Variants in MED27 observed in about 807,000 individuals in gnomAD.
MED27 encodes the protein mediator of RNA polymerase II transcription subunit 27.
Under a neutral mutation model 38.2 loss-of-function variants are expected in MED27, and 30 were observed. That is an observed-to-expected ratio of 0.79 (90% CI 0.59 to 1.07). The LOEUF is 1.07. Among genes scored for constraint, MED27 ranks in the 50% least tolerant of loss-of-function variants. The pLI is 0.00. For synonymous variants in MED27, 122 were observed against 153.5 expected (o/e 0.79, Z 1.52); for missense variants, 289 against 397.5 (o/e 0.73, Z 2.32).
chr9:132,002,797 C>T (rs1832267842), intron 3 of MED27, among the ~76,000 whole-genome samples: 1 of 151,718 alleles, frequency 6.6e-6, no homozygotes. Flanking sequence ...CGCCTGTAAT[C>T]CCAGCTACTC....
At chr9:132,028,254 G>A (rs900529769) in intron 2 of MED27, among the ~76,000 whole-genome samples, 1 of 152,134 alleles carries the variant, frequency 6.6e-6, no homozygotes, top group Admixed American at 6.6e-5. Context: ...TTTTCTGGCC[G>A]CCTAAAGGAG....
chr9:132,023,169 A>T (rs1832752574), intron 2 of MED27, among the ~76,000 whole-genome samples: 1 of 152,200 alleles, frequency 6.6e-6, no homozygotes, highest in African/African-American at 2.4e-5. Context: ...AAATATTCCC[A>T]TATAAGAAAT....
chr9:132,006,666 C>A (rs1776895664), intron 3 of MED27, among the ~76,000 whole-genome samples: 1 of 151,726 alleles, frequency 6.6e-6, no homozygotes, highest in South Asian at 2.1e-4. Flanking sequence ...AAAACAACAA[C>A]CTTAAAAAAG....
At chr9:131,941,817 ATTTTTTTTTTTT>A (rs766438800) in intron 3 of MED27, among the ~76,000 whole-genome samples, 2 of 82,514 alleles carry the variant, frequency 2.4e-5, no homozygotes, top group East Asian at 4.5e-4. Flanking sequence ...ATTCTGCTGA[ATTTTTTTTTTTT>A]TTTTTTTTTT....
chr9:131,954,349 C>T (rs1831053406), intron 3 of MED27, among the ~76,000 whole-genome samples: 1 of 152,172 alleles, frequency 6.6e-6, no homozygotes, highest in East Asian at 1.9e-4. Flanking sequence ...CATGCACGCT[C>T]AGTGGCTCCA....
intron 3 of MED27, among the ~76,000 whole-genome samples, chr9:131,980,291 GC>G (rs1451251913): frequency 6.6e-6 from 1 of 152,088 alleles, no homozygotes; most frequent in Non-Finnish European, 1.5e-5. Context: ...AAATAAACCA[GC>G]CACCAAGTTC....
intron 2 of MED27, among the ~76,000 whole-genome samples, chr9:132,064,018 T>C (rs1833753964): frequency 6.6e-6 from 1 of 152,236 alleles, no homozygotes; most frequent in African/African-American, 2.4e-5. Flanking sequence ...CATCATTTTC[T>C]CCTCACTAAG....
chr9:131,882,747 C>T (rs1477500390), intron 6 of MED27, among the ~76,000 whole-genome samples: 4 of 152,220 alleles, frequency 2.6e-5, no homozygotes. Context: ...ACAAAGGCTT[C>T]CTCTGACTAG....
At chr9:131,957,856 A>G (rs919319517) in intron 3 of MED27, among the ~76,000 whole-genome samples, 3 of 150,226 alleles carry the variant, frequency 2.0e-5, no homozygotes, top group Non-Finnish European at 4.4e-5. Flanking sequence ...AGGTGGGAGG[A>G]TTGCTTGAGC....
chr9:132,055,611 T>C (rs1589293065), intron 2 of MED27, among the ~76,000 whole-genome samples: 1 of 152,182 alleles, frequency 6.6e-6, no homozygotes, highest in East Asian at 1.9e-4. Context: ...TAAGATGCCT[T>C]ATACTCACTC....
chr9:131,943,233 C>T (rs1320025440), intron 3 of MED27, among the ~76,000 whole-genome samples: 2 of 152,094 alleles, frequency 1.3e-5, no homozygotes, highest in Non-Finnish European at 2.9e-5. Flanking sequence ...TCTAAATTCT[C>T]GAGGCAAAAA....
At chr9:131,905,811 G>A (rs1350049274) in intron 4 of MED27, among the ~76,000 whole-genome samples, 2 of 150,004 alleles carry the variant, frequency 1.3e-5, no homozygotes, top group African/African-American at 2.5e-5. Flanking sequence ...AAAGAACCCA[G>A]AGCTGCCTTG....
At chr9:132,059,498 C>G (rs1036740110) in intron 2 of MED27, among the ~76,000 whole-genome samples, 7 of 152,390 alleles carry the variant, frequency 4.6e-5, no homozygotes, top group Admixed American at 1.3e-4. Context: ...GGCTGCGCCT[C>G]ACAGCCACCA....
chr9:132,069,785 C>T (rs754657835), intron 2 of MED27, among the ~76,000 whole-genome samples: 3 of 152,284 alleles, frequency 2.0e-5, no homozygotes, highest in Non-Finnish European at 2.9e-5. Flanking sequence ...TTCATCCTAC[C>T]GATGAGGAAG....
chr9:131,949,032 C>T (rs978271942), intron 3 of MED27, among the ~76,000 whole-genome samples: 2 of 152,182 alleles, frequency 1.3e-5, no homozygotes, highest in African/African-American at 4.8e-5. Context: ...GGTGTCAAGT[C>T]GCCCTTTGAG....
intron 2 of MED27, among the ~76,000 whole-genome samples, chr9:132,057,207 C>A (rs1833598603): frequency 1.3e-5 from 2 of 152,202 alleles, no homozygotes; most frequent in African/African-American, 4.8e-5. Context: ...CCGCGGTAAT[C>A]CTCTGCCAAT....
intron 2 of MED27, among the ~76,000 whole-genome samples, chr9:132,056,075 A>C (rs1329337922): frequency 6.6e-6 from 1 of 152,242 alleles, no homozygotes; most frequent in Non-Finnish European, 1.5e-5. Context: ...ATACTGCTGT[A>C]CACCTAAAAT....
chr9:131,986,669 C>G (rs559846569), intron 3 of MED27, among the ~76,000 whole-genome samples: 89 of 152,264 alleles, frequency 5.8e-4, no homozygotes, highest in African/African-American at 1.9e-3. Context: ...GTGGGTTCTA[C>G]CATTTAGGTT....
rs1829902904 is a variant in MED27, at chr9:131,899,778, T to G, written c.574-5786A>C. ...CACATCGCTCTACAATGATTCCGATTCTCATGTGTCTGGCATGTGCCAGTT... is the reference window on the plus strand; with the variant it reads ...CACATCGCTCTACAATGATTCCGATGCTCATGTGTCTGGCATGTGCCAGTT... On this transcript the variant is annotated intron_variant, in intron 4 of 7. Coordinates refer to ENST00000292035, the MANE Select transcript of MED27 (RefSeq NM_004269.4). 2.0e-5 allele frequency among the ~76,000 whole-genome samples: 3 copies of G among 152,280 alleles called. No homozygotes were observed. In the South Asian group the frequency reaches 6.2e-4, roughly 32 times the overall value.
Sources: allele counts gnomAD v4.1 joint callset (sites outside exome capture counted in the v4.1 genomes callset), GRCh38; gene constraint gnomAD v4.1.1; transcripts MANE v1.5; gene names NCBI Gene and HGNC (gene_info 2026-07-23, HGNC 2026-07-21).